RPSA2: variants seen among roughly 807,000 people sequenced by gnomAD.
The protein encoded by RPSA2 is ribosomal protein SA 2.
At chr19:23,854,359 A>AC in the RPSA2 span, among the ~76,000 whole-genome samples, 7 of 152,056 alleles carry the variant, frequency 4.6e-5, no homozygotes, top group Non-Finnish European at 1.0e-4. Flanking sequence ...CTACTGCTCC[A>AC]CCCCCCTACT....
chr19:23,869,006 CCT>C, the RPSA2 span, among the ~76,000 whole-genome samples: 1 of 152,152 alleles, frequency 6.6e-6, no homozygotes, highest in Non-Finnish European at 1.5e-5. Flanking sequence ...AGAAAAAACC[CCT>C]GATTCCATGT....
chr19:23,822,834 G>A, the RPSA2 span, among the ~76,000 whole-genome samples: 1 of 152,234 alleles, frequency 6.6e-6, no homozygotes, highest in South Asian at 2.1e-4. Context: ...TCCTCCGGTG[G>A]TTCCTCCAAA....
the RPSA2 span, chr19:23,831,968 A>G: frequency 2.6e-6 from 1 of 379,196 alleles, no homozygotes; most frequent in South Asian, 2.5e-5. Flanking sequence ...GAGAAGTCCT[A>G]CAAATGTAAA....
the RPSA2 span, among the ~76,000 whole-genome samples, chr19:23,817,290 G>A: frequency 1.3e-5 from 2 of 152,302 alleles, no homozygotes; most frequent in South Asian, 4.2e-4. Context: ...GCTGAGGCAG[G>A]AGAATTGCCT....
chr19:23,842,748 T>C, the RPSA2 span: 1 of 152,166 alleles, frequency 6.6e-6, no homozygotes, highest in African/African-American at 2.4e-5. Context: ...ATTTTGGGAG[T>C]TTTTGCTCCA....
the RPSA2 span, among the ~76,000 whole-genome samples, chr19:23,821,280 G>A: frequency 1.3e-5 from 2 of 152,192 alleles, no homozygotes; most frequent in Admixed American, 6.5e-5. Flanking sequence ...CCATCCCAGC[G>A]CCATGGAGTC....
chr19:23,772,664 T>C, the RPSA2 span, among the ~76,000 whole-genome samples: 19 of 152,166 alleles, frequency 1.2e-4, no homozygotes, highest in Admixed American at 1.3e-4. Flanking sequence ...GTTTCTAATA[T>C]GCACACCTCG....
chr19:23,832,716 C>T, the RPSA2 span: 2 of 1,522,844 alleles, frequency 1.3e-6, no homozygotes, highest in African/African-American at 1.4e-5. Context: ...GAGAGAAACC[C>T]TACAAATGTG....
the RPSA2 span, among the ~76,000 whole-genome samples, chr19:23,829,847 G>GT: frequency 1.3e-5 from 2 of 152,056 alleles, no homozygotes; most frequent in African/African-American, 4.8e-5. Flanking sequence ...AATTAAAAAT[G>GT]TTTTCTGCGT....
At chr19:23,773,792 A>G in the RPSA2 span, among the ~76,000 whole-genome samples, 1 of 152,332 alleles carries the variant, frequency 6.6e-6, no homozygotes, top group Admixed American at 6.5e-5. Flanking sequence ...GACTTCACTA[A>G]TTAGACAAAG....
the RPSA2 span, among the ~76,000 whole-genome samples, chr19:23,760,837 G>C: frequency 6.6e-6 from 1 of 150,874 alleles, no homozygotes; most frequent in Non-Finnish European, 1.5e-5. Context: ...GCTAATTTTT[G>C]TATGTTTAGC....
At chr19:23,768,780 G>A in the RPSA2 span, among the ~76,000 whole-genome samples, 1 of 149,146 alleles carries the variant, frequency 6.7e-6, no homozygotes, top group African/African-American at 2.5e-5. Context: ...TAGAGACAGG[G>A]TTTCACCATG....
chr19:23,777,652 A>G, the RPSA2 span, among the ~76,000 whole-genome samples: 5 of 152,064 alleles, frequency 3.3e-5, no homozygotes, highest in African/African-American at 1.2e-4. Flanking sequence ...TTCTGCCTGC[A>G]TTCTTCCCAC....
chr19:23,854,484 C>G, the RPSA2 span, among the ~76,000 whole-genome samples: 2 of 152,142 alleles, frequency 1.3e-5, no homozygotes, highest in African/African-American at 4.8e-5. Context: ...AGTGGGAACA[C>G]ATTGGTCTGA....
chr19:23,838,611 G>T, the RPSA2 span, among the ~76,000 whole-genome samples: 8 of 151,974 alleles, frequency 5.3e-5, no homozygotes, highest in African/African-American at 9.7e-5. Flanking sequence ...TCTGTTCAGG[G>T]TATCTAATTC....
At chr19:23,862,148 G>A in the RPSA2 span, among the ~76,000 whole-genome samples, 7 of 152,116 alleles carry the variant, frequency 4.6e-5, no homozygotes, top group Admixed American at 6.5e-5. Flanking sequence ...AATTGTGAAT[G>A]GGAGTTCACT....
the RPSA2 span, among the ~76,000 whole-genome samples, chr19:23,830,946 A>T: frequency 6.6e-6 from 1 of 152,200 alleles, no homozygotes. Context: ...GCTGGTGATT[A>T]TGGGAGTTTC....
the RPSA2 span, among the ~76,000 whole-genome samples, chr19:23,770,804 G>A: frequency 6.6e-6 from 1 of 152,060 alleles, no homozygotes; most frequent in African/African-American, 2.4e-5. Flanking sequence ...AAGCACCCAT[G>A]TGTGGGTGTG....
chr19:23,827,196 A>G, the RPSA2 span: 3 of 967,376 alleles, frequency 3.1e-6, no homozygotes, highest in South Asian at 2.7e-5. Flanking sequence ...CAAATGAAGG[A>G]GGAGGATGTC....
Sources: gnomAD v4.1 joint callset for allele counts (sites outside exome capture counted in the v4.1 genomes callset) on GRCh38, gnomAD v4.1.1 for gene constraint, MANE v1.5 for transcripts, NCBI Gene and HGNC (gene_info 2026-07-23, HGNC 2026-07-21) for gene names.